SCP2: variants seen among roughly 807,000 people sequenced by gnomAD.
SCP2 encodes sterol carrier protein 2.
SCP2 carries 48 observed loss-of-function variants against 71.4 expected under a neutral mutation model. The ratio of observed to expected loss-of-function variants is 0.67; its 90% CI spans 0.53 to 0.86. The LOEUF (loss-of-function observed/expected upper bound fraction) is 0.86. Among genes scored for constraint, SCP2 ranks in the 40% least tolerant of loss-of-function variants. The probability of loss-of-function intolerance (pLI) is 0.00; values close to 1 mark genes in which losing one functional copy is unlikely to be tolerated. For synonymous variants in SCP2, 220 were observed against 218.1 expected (o/e 1.01, Z -0.08); for missense variants, 560 against 655.6 (o/e 0.85, Z 1.59).
At chr1:52,938,442 C>T (rs1280015759) in intron 1 of SCP2, among the ~76,000 whole-genome samples, 3 of 152,186 alleles carry the variant, frequency 2.0e-5, no homozygotes, top group Admixed American at 6.5e-5. Context: ...GATTTTACTT[C>T]CCTTGTATTT....
At position 53,014,936 on chromosome 1, in the gene SCP2, C is replaced by T; in HGVS notation, c.1128C>T (p.Ala376=). The change falls in exon 12 of 16, where the codon GCC becomes GCT. Residue 376 remains alanine (A), a synonymous_variant. Coordinates refer to ENST00000371514, the MANE Select transcript of SCP2 (RefSeq NM_002979.5). ...AELCWQLRGE[A]GKRQVPGAKV... is the part of the protein sequence containing the mutation. The stretch of plus-strand genomic sequence containing the variant: ...TCTGCTGGCAGCTGAGAGGGGAAGC[C>T]GGAAAGAGGCAAGTTCCTGGTGCAA... The T allele has an allele frequency of 6.2e-7, 1 of 1,613,728 alleles. No homozygotes were observed. The highest frequency in any genetic ancestry group is 8.5e-7 in the Non-Finnish European group (1 of 1,179,942).
rs1460090299 is a variant in SCP2 at position 52,961,629 on chromosome 1, G to A, written c.523G>A (p.Gly175Arg). Residue 175 changes from glycine to arginine, a missense_variant and splice_region_variant, in exon 6 of 16, where the codon GGA becomes AGA. Transcript: ENST00000371514. ...YAGKEHMEKY[G>R]TKIEHFAKIG... ...TGGAAAAGAACATATGGAAAAATATGGTATGTTACAGTTAAAAAACTTTGA... is the reference window on the plus strand; with the variant it reads ...TGGAAAAGAACATATGGAAAAATATAGTATGTTACAGTTAAAAAACTTTGA... 1 of 1,613,210 alleles carries A rather than the reference G, an allele frequency of 6.2e-7. No individual in the cohort carries two copies. The highest frequency in any genetic ancestry group is 1.1e-5 in the South Asian group (1 of 91,044).
intron 11 of SCP2, among the ~76,000 whole-genome samples, chr1:53,013,322 A>C (rs2150225771): frequency 6.6e-6 from 1 of 150,558 alleles, no homozygotes; most frequent in East Asian, 2.0e-4. Context: ...GCGGTGGCTC[A>C]TGCCTGTAAT....
At chr1:53,006,251 A>G (rs990807422) in intron 11 of SCP2, among the ~76,000 whole-genome samples, 1 of 152,204 alleles carries the variant, frequency 6.6e-6, no homozygotes, top group African/African-American at 2.4e-5. Flanking sequence ...AAGGCAGGCC[A>G]ACATTCAAAT....
Position 52,993,542 on chromosome 1 carries a change from A to G in SCP2, c.1081+5406A>G, listed in dbSNP as rs903090970. The stretch of plus-strand genomic sequence containing the variant: ...TCTATCTGTGACTGAAAAGACCAAC[A>G]GGAAGCCCTCGCCAGTCCTCATATA... On this transcript the variant is annotated intron_variant, in intron 11 of 15. Transcript: ENST00000371514. The G allele has an allele frequency of 3.1e-6, 5 of 1,612,244 alleles. 1 individual carries two copies. Among genetic ancestry groups the G allele is most frequent in the Middle Eastern group, 4.4e-4 (2 of 4,542 alleles).
chr1:53,038,825 T>C, intron 13 of SCP2, 92 bp from the exon 14 acceptor site: 3 of 1,513,136 alleles, frequency 2.0e-6, no homozygotes, highest in Non-Finnish European at 2.7e-6. Context: ...GCCCGTATAC[T>C]CATATCATGT....
chr1:52,980,705 A>C (rs764897318), intron 10 of SCP2, among the ~76,000 whole-genome samples, 162 bp downstream of exon 10: 21 of 152,200 alleles, frequency 1.4e-4, no homozygotes, highest in Non-Finnish European at 2.8e-4. Context: ...ACGTTTTAGA[A>C]CTTGTGGTAT....
intron 8 of SCP2, among the ~76,000 whole-genome samples, chr1:52,977,417 T>C (rs1479811449): frequency 1.3e-5 from 2 of 152,224 alleles, no homozygotes; most frequent in Non-Finnish European, 2.9e-5. Flanking sequence ...CATCACAGTT[T>C]GCTGTAAGAA....
At chr1:52,935,369 G>A (rs983338437) in intron 1 of SCP2, among the ~76,000 whole-genome samples, 2 of 151,384 alleles carry the variant, frequency 1.3e-5, no homozygotes, top group African/African-American at 4.9e-5. Flanking sequence ...ATCACCTGAG[G>A]TCAGAAATTC....
chr1:52,978,937 A>T (rs1264290015), intron 9 of SCP2, among the ~76,000 whole-genome samples: 1 of 152,224 alleles, frequency 6.6e-6, no homozygotes, highest in African/African-American at 2.4e-5. Context: ...TACAAAATGG[A>T]AAAAGTAAAA....
intron 11 of SCP2, chr1:52,994,972 C>G (rs1393672534): frequency 2.0e-6 from 1 of 512,404 alleles, no homozygotes; most frequent in Non-Finnish European, 3.9e-6. Flanking sequence ...CCCTTTTGGC[C>G]AGGTGCTTAA....
intron 13 of SCP2, among the ~76,000 whole-genome samples, chr1:53,030,909 A>AT (rs1491508679): frequency 1.8e-4 from 16 of 88,950 alleles, no homozygotes; most frequent in Non-Finnish European, 2.8e-4. Flanking sequence ...CAAAAAAATT[A>AT]AAAAAAAAAA....
At chr1:52,989,286 G>A (rs1455988861) in intron 11 of SCP2, among the ~76,000 whole-genome samples, 1 of 152,176 alleles carries the variant, frequency 6.6e-6, no homozygotes, top group African/African-American at 2.4e-5. Flanking sequence ...AAAGTTCGGA[G>A]AACTCTGGCA....
At chr1:52,948,624 CA>C (rs567151231) in intron 3 of SCP2, among the ~76,000 whole-genome samples, 5,637 of 49,498 alleles carry the variant, frequency 0.11, 111 homozygotes, top group African/African-American at 0.2. Flanking sequence ...GACTCCATCT[CA>C]AAAAAAAAAA....
chr1:52,953,231 G>GATT (rs1315356313), intron 4 of SCP2, among the ~76,000 whole-genome samples: 1 of 151,756 alleles, frequency 6.6e-6, no homozygotes, highest in Admixed American at 6.6e-5. Context: ...TTCTAAATGT[G>GATT]ATTCTAAATT....
At chr1:53,024,544 G>T (rs977185199) in intron 12 of SCP2, among the ~76,000 whole-genome samples, 2 of 151,658 alleles carry the variant, frequency 1.3e-5, no homozygotes, top group Non-Finnish European at 2.9e-5. Context: ...ACATCCAGAA[G>T]GAAATGCTAC....
intron 2 of SCP2, among the ~76,000 whole-genome samples, chr1:52,942,375 C>T (rs979900468): frequency 2.4e-4 from 37 of 152,014 alleles, no homozygotes; most frequent in Admixed American, 4.6e-4. Flanking sequence ...GAGCAAAAGA[C>T]GGGTGAATAT....
intron 1 of SCP2, among the ~76,000 whole-genome samples, chr1:52,935,450 C>A (rs560878076): frequency 6.7e-6 from 1 of 149,830 alleles, no homozygotes; most frequent in East Asian, 2.0e-4. Context: ...ATTAGCCAGG[C>A]GTGGTGGTGG....
intron 13 of SCP2, among the ~76,000 whole-genome samples, chr1:53,037,516 A>AG (rs11412565): frequency 0.098 from 14,936 of 152,068 alleles, 1,458 homozygotes; most frequent in African/African-American, 0.22. Flanking sequence ...CTGGGAATGA[A>AG]GGGAAAAAAA....
Sources: allele counts gnomAD v4.1 joint callset (sites outside exome capture counted in the v4.1 genomes callset), GRCh38; gene constraint gnomAD v4.1.1; transcripts MANE v1.5; gene names NCBI Gene and HGNC (gene_info 2026-07-23, HGNC 2026-07-21).